DENND2B: variants seen among roughly 807,000 people sequenced by gnomAD.
DENND2B encodes the protein DENN domain-containing protein 2B.
A neutral mutation model predicts 116.0 loss-of-function variants in DENND2B; 32 were observed. That is an observed-to-expected ratio of 0.28 (90% CI 0.21 to 0.37). The LOEUF is 0.37. Among genes scored for constraint, DENND2B ranks in the 10% least tolerant of loss-of-function variants. The pLI, the probability that DENND2B is intolerant of heterozygous loss-of-function variation, is 1.00. For missense variants in DENND2B, 1,276 were observed against 1,477.7 expected, an observed-to-expected ratio of 0.86 and a Z score of 2.24; for synonymous variants, 588 against 583.9, an observed-to-expected ratio of 1.01 and a Z score of -0.10.
chr11:8,882,871 C>T (rs977981225), intron 1 of DENND2B, among the ~76,000 whole-genome samples: 1 of 152,016 alleles, frequency 6.6e-6, no homozygotes, highest in Non-Finnish European at 1.5e-5. Flanking sequence ...GCCTGTGATC[C>T]CAGCTACTTG....
intron 2 of DENND2B, 143 bp from the exon 3 acceptor site, chr11:8,731,352 C>T (rs1391420248): frequency 1.2e-6 from 1 of 805,598 alleles, no homozygotes; most frequent in East Asian, 2.8e-5. Context: ...AAGTAATATA[C>T]CTTGAAGGCT....
intron 1 of DENND2B, among the ~76,000 whole-genome samples, chr11:8,896,613 A>T (rs2653562): frequency 0.32 from 48,531 of 152,188 alleles, 8,695 homozygotes; most frequent in Middle Eastern, 0.53. Context: ...GTGCAAAAGC[A>T]ATATACATTC....
chr11:8,902,766 C>T (rs1428202505), intron 1 of DENND2B, among the ~76,000 whole-genome samples: 1 of 152,170 alleles, frequency 6.6e-6, no homozygotes, highest in East Asian at 1.9e-4. Context: ...TAACTTTCAA[C>T]TTATTTGTGT....
intron 1 of DENND2B, among the ~76,000 whole-genome samples, chr11:8,753,279 C>T (rs114963590): frequency 0.014 from 2,075 of 152,122 alleles, 29 homozygotes; most frequent in Admixed American, 0.028. Context: ...ATACTAACAA[C>T]GAACAATCTG....
Position 8,715,623 on chromosome 11 carries a change from G to A in DENND2B, c.1825C>T (p.Arg609Trp), listed in dbSNP as rs373618625. 76 of 1,612,536 alleles carry A rather than the reference G, an allele frequency of 4.7e-5. No individual in the cohort carries two copies. The highest frequency in any genetic ancestry group is 1.8e-4 in the East Asian group (8 of 44,864). The change falls in exon 6 of 20, where the codon CGG becomes TGG. Residue 609 changes from arginine (R) to tryptophan (W), a missense_variant. Physicochemically the swap from Arg to Trp is moderately radical, Grantham distance 101 (BLOSUM62 -3). Around this residue, in one of 2 missense-constraint regions of DENND2B, gnomAD observed 856 missense variants for 846.6 expected, o/e 1.01. Transcript: ENST00000313726. Reference sequence around the variant, plus strand: ...GGTACCTTGGGAATGCGGCGGGCCCGGCGGCTGGACAGCAGCTCGCTGGTG... The same window carrying A: ...GGTACCTTGGGAATGCGGCGGGCCCAGCGGCTGGACAGCAGCTCGCTGGTG... Reference protein sequence around the residue: ...STTSELLSSRRARRIPKLVQR... With the variant: ...STTSELLSSRWARRIPKLVQR...
chr11:8,837,379 G>A (rs963989039), intron 4 of DENND2B, among the ~76,000 whole-genome samples: 3 of 151,834 alleles, frequency 2.0e-5, no homozygotes, highest in Admixed American at 6.6e-5. Context: ...ATGGAGTCTC[G>A]CTCTGTTGTC....
intron 2 of DENND2B, chr11:8,857,558 C>T (rs2653613): frequency 0.52 from 78,382 of 152,090 alleles, 20,446 homozygotes; most frequent in Middle Eastern, 0.7. Context: ...GGTCTGTCTC[C>T]GATGGGCTCC....
intron 11 of DENND2B, chr11:8,708,465 C>T (rs1034422649): frequency 2.3e-6 from 1 of 426,240 alleles, no homozygotes; most frequent in Non-Finnish European, 3.1e-6. Context: ...ATAGATGAGG[C>T]AACTGAGTTC....
At chr11:8,718,989 T>C in intron 4 of DENND2B, 1 of 986,872 alleles carries the variant, frequency 1.0e-6, no homozygotes, top group Non-Finnish European at 1.2e-6. Context: ...CCTTTCCCTA[T>C]TTTCCTGCTG....
At chr11:8,873,755 G>A (rs966415580), upstream of DENND2B, among the ~76,000 whole-genome samples, 6 of 152,200 alleles carry the variant, frequency 3.9e-5, no homozygotes, top group Non-Finnish European at 8.8e-5. Flanking sequence ...TAAGCGCACA[G>A]TAAATATATG....
At chr11:8,802,719 A>G (rs2060465869) in intron 1 of DENND2B, among the ~76,000 whole-genome samples, 1 of 152,228 alleles carries the variant, frequency 6.6e-6, no homozygotes, top group South Asian at 2.1e-4. Flanking sequence ...AAAAGGAAAC[A>G]GTGATGGAAA....
chr11:8,823,863 T>C (rs2061860163), intron 4 of DENND2B, among the ~76,000 whole-genome samples: 1 of 152,084 alleles, frequency 6.6e-6, no homozygotes, highest in Non-Finnish European at 1.5e-5. Context: ...TTTTTTCCTT[T>C]TTTTGTGACT....
intron 1 of DENND2B, among the ~76,000 whole-genome samples, chr11:8,888,880 C>G (rs189182147): frequency 6.6e-6 from 1 of 152,174 alleles, no homozygotes. Context: ...CCACCTCATA[C>G]CTATTAGGAT....
At position 8,702,443 on chromosome 11, in the gene DENND2B, A is replaced by G. The variant is rs189539013; in HGVS notation, c.2720+129T>C. ...GTGCTACCTTTCCACCTAGTCTTCC[A>G]TCTCCCTACGCACAGCCCCACTCCA... On this transcript the variant is annotated intron_variant, in intron 14 of 19. Transcript: ENST00000313726. This position sits in a 1 kb window ranked among gnomAD's most constrained non-coding sequence, Gnocchi z 4.6. 4.2e-5 allele frequency: 56 copies of G among 1,345,060 alleles called. No homozygotes were observed. The African/African-American group carries it at 7.3e-4, about 18-fold the overall frequency. 83.3% of individuals were successfully genotyped at this position (1,345,060 alleles called of 1,614,324 possible).
intron 19 of DENND2B, among the ~76,000 whole-genome samples, chr11:8,695,072 T>C (rs377729766): frequency 6.6e-6 from 1 of 151,902 alleles, no homozygotes; most frequent in East Asian, 1.9e-4. Context: ...TAAAATAAAA[T>C]AAATAAAATA....
intron 1 of DENND2B, among the ~76,000 whole-genome samples, chr11:8,909,570 A>C (rs2064288127): frequency 6.6e-6 from 1 of 152,242 alleles, no homozygotes; most frequent in Admixed American, 6.5e-5. Context: ...TAAAGGAGGC[A>C]CTTGATAAAC....
rs550000564 is a variant in DENND2B, at chr11:8,837,497, G to A, written c.-115+1813C>T. Among the ~76,000 whole-genome samples the A allele has an allele frequency of 1.4e-4, 21 of 152,240 alleles. No individual in the cohort carries two copies. The East Asian group carries it at 1.7e-3, about 13-fold the overall frequency. ...TGAGTAGCTGGGAATACAGGCGCCC[G>A]CCACCATGCCCGGCTAATTTTTGTA... On this transcript the variant is annotated intron_variant, in intron 4 of 6. Transcript: ENST00000524757.
chr11:8,851,976 T>C (rs1417505782), intron 3 of DENND2B, among the ~76,000 whole-genome samples: 1 of 152,266 alleles, frequency 6.6e-6, no homozygotes, highest in South Asian at 2.1e-4. Flanking sequence ...CCTGGGCTCC[T>C]GAAAGCCCAA....
At chr11:8,726,360 A>G in intron 3 of DENND2B, 151 bp from the exon 4 acceptor site, 1 of 1,006,306 alleles carries the variant, frequency 9.9e-7, no homozygotes. Context: ...TTACCATCCA[A>G]ATGAAGAGAC....
Sources: allele counts gnomAD v4.1 joint callset (sites outside exome capture counted in the v4.1 genomes callset), GRCh38; gene constraint gnomAD v4.1.1; regional missense constraint gnomAD v4.1.1; non-coding constraint Gnocchi (gnomAD v3.1); transcripts MANE v1.5; gene names NCBI Gene and HGNC (gene_info 2026-07-23, HGNC 2026-07-21).